METAP1D: variants seen among roughly 807,000 people sequenced by gnomAD.
The protein encoded by METAP1D is methionine aminopeptidase 1D, mitochondrial.
METAP1D carries 31 observed loss-of-function variants against 40.5 expected under a neutral mutation model. The ratio of observed to expected loss-of-function variants is 0.77; its 90% CI spans 0.58 to 1.03. The LOEUF (loss-of-function observed/expected upper bound fraction) is 1.03. Among genes scored for constraint, METAP1D ranks in the 50% least tolerant of loss-of-function variants. The pLI is 0.00. For synonymous variants in METAP1D, 151 were observed against 146.4 expected, an observed-to-expected ratio of 1.03 and a Z score of -0.22; for missense variants, 411 against 420.7, an observed-to-expected ratio of 0.98 and a Z score of 0.20.
intron 1 of METAP1D, among the ~76,000 whole-genome samples, chr2:172,041,536 T>G (rs141679213): frequency 6.3e-5 from 8 of 126,204 alleles, no homozygotes; most frequent in Admixed American, 4.9e-4. Flanking sequence ...CGTAAAGGAA[T>G]TCATGAAACA....
At position 172,040,060 on chromosome 2, in the gene METAP1D, C is replaced by T. The variant is rs1040766959; in HGVS notation, c.41-21438C>T. Among the ~76,000 whole-genome samples the T allele has an allele frequency of 4.6e-5, 7 of 151,886 alleles. No homozygotes were observed. In the East Asian group the frequency reaches 1.4e-3, roughly 29 times the overall value. Reference sequence around the variant, plus strand: ...AGTGCAACTGCCTGCCGGGTTCAAGCGATTCTTCTGCCTCAGCCTCCTGAG... The same window carrying T: ...AGTGCAACTGCCTGCCGGGTTCAAGTGATTCTTCTGCCTCAGCCTCCTGAG... On this transcript the variant is annotated intron_variant, in intron 1 of 9. Transcript: ENST00000315796.
chr2:172,034,986 C>CTTTTTTTTTTTTTTT (rs66853451), intron 1 of METAP1D, among the ~76,000 whole-genome samples: 3 of 135,592 alleles, frequency 2.2e-5, no homozygotes, highest in East Asian at 2.1e-4. Context: ...GAATTTTTTT[C>CTTTTTTTTTTTTTTT]TTTTTTTTTT....
chr2:172,063,924 C>G, intron 3 of METAP1D, 64 bp downstream of exon 3: 1 of 1,477,050 alleles, frequency 6.8e-7, no homozygotes, highest in Non-Finnish European at 9.0e-7. Context: ...TCTTTTTTTC[C>G]TTCTCCTTAA....
chr2:172,005,037 C>T (rs929103618), intron 1 of METAP1D, among the ~76,000 whole-genome samples: 2 of 152,080 alleles, frequency 1.3e-5, no homozygotes, highest in Non-Finnish European at 2.9e-5. Context: ...GTCCTCCCAC[C>T]TCAACCTCCT....
At chr2:172,045,730 T>TGTGTGTGTGG (rs1689727728) in intron 1 of METAP1D, among the ~76,000 whole-genome samples, 1 of 86,632 alleles carries the variant, frequency 1.2e-5, no homozygotes, top group Non-Finnish European at 2.8e-5. Context: ...TGTGTGTGTG[T>TGTGTGTGTGG]GTATATATAT....
At chr2:172,074,041 T>C (rs1209284899) in intron 6 of METAP1D, among the ~76,000 whole-genome samples, 2 of 152,232 alleles carry the variant, frequency 1.3e-5, no homozygotes, top group Admixed American at 1.3e-4. Flanking sequence ...CCTTTTGCTT[T>C]TGTGAGGAAT....
chr2:172,034,517 TTAA>T lies in METAP1D; in HGVS notation c.41-26975_41-26973del, dbSNP rs560366771. ...CCTGGTCCGGGTTGTTGTGCCAAACTTAATAATATGTATGATGTTACTTTGTAA... is the reference window on the plus strand; with the variant it reads ...CCTGGTCCGGGTTGTTGTGCCAAACTTAATATGTATGATGTTACTTTGTAA... On this transcript the variant is annotated intron_variant, in intron 1 of 9. Coordinates refer to ENST00000315796, the MANE Select transcript of METAP1D (RefSeq NM_199227.3). 3.8e-3 allele frequency among the ~76,000 whole-genome samples: 578 copies of T among 152,208 alleles called. 2 individuals carry two copies. Among genetic ancestry groups the T allele is most frequent in the Non-Finnish European group, 5.6e-3 (384 of 68,014 alleles).
At chr2:172,005,021 C>T (rs1201318007) in intron 1 of METAP1D, among the ~76,000 whole-genome samples, 1 of 151,832 alleles carries the variant, frequency 6.6e-6, no homozygotes, top group African/African-American at 2.4e-5. Context: ...TTCCTGGGCT[C>T]GACCAGTCCT....
At chr2:172,005,520 TTATATATATATA>T (rs34982215) in intron 1 of METAP1D, among the ~76,000 whole-genome samples, 11 of 110,950 alleles carry the variant, frequency 9.9e-5, no homozygotes, top group African/African-American at 3.5e-4. Flanking sequence ...TGTCTGTATT[TTATATATATATA>T]TATATATATA....
chr2:172,010,872 A>T (rs1372081134), intron 1 of METAP1D, among the ~76,000 whole-genome samples: 1 of 150,384 alleles, frequency 6.6e-6, no homozygotes, highest in Admixed American at 6.7e-5. Flanking sequence ...GTCCTGCCTC[A>T]GCCTCACGAG....
intron 1 of METAP1D, among the ~76,000 whole-genome samples, chr2:172,001,609 G>A (rs528221685): frequency 6.6e-6 from 1 of 152,078 alleles, no homozygotes; most frequent in South Asian, 2.1e-4. Flanking sequence ...GAGGAAGAAG[G>A]TTGGTAATCG....
At chr2:172,075,205 T>C (rs1218160653) in intron 6 of METAP1D, among the ~76,000 whole-genome samples, 1 of 152,170 alleles carries the variant, frequency 6.6e-6, no homozygotes, top group Non-Finnish European at 1.5e-5. Context: ...AAATATTCCA[T>C]ATAAAAGGCC....
Position 172,063,732 on chromosome 2 carries a change from G to T in METAP1D, c.220G>T (p.Val74Leu). 3.1e-6 allele frequency: 5 copies of T among 1,613,782 alleles called. No homozygotes were observed. In the South Asian group the frequency reaches 5.5e-5, roughly 18 times the overall value. Residue 74 changes from valine to leucine, a missense_variant, in exon 3 of 10, where the codon GTG becomes TTG. Coordinates refer to ENST00000315796, the MANE Select transcript of METAP1D (RefSeq NM_199227.3). Reference protein sequence around the residue: ...VPKHIKKPDYVTTGIVPDWGD... With the variant: ...VPKHIKKPDYLTTGIVPDWGD... ...CAAGCACATAAAGAAGCCAGACTATGTGACGACAGGCATTGTACCAGACTG... is the reference window on the plus strand; with the variant it reads ...CAAGCACATAAAGAAGCCAGACTATTTGACGACAGGCATTGTACCAGACTG...
intron 6 of METAP1D, among the ~76,000 whole-genome samples, chr2:172,074,365 C>T (rs1056217203): frequency 3.9e-5 from 6 of 152,104 alleles, no homozygotes; most frequent in African/African-American, 9.7e-5. Flanking sequence ...TTAGATTACG[C>T]ACATTTAAAC....
intron 1 of METAP1D, among the ~76,000 whole-genome samples, chr2:172,016,330 T>TATATAA (rs1553490411): frequency 1.3e-5 from 1 of 75,848 alleles, no homozygotes; most frequent in African/African-American, 4.8e-5. Flanking sequence ...TATATATATA[T>TATATAA]AAATAGTCCA....
chr2:172,063,590 C>T (rs759045491), intron 2 of METAP1D, 121 bp from the exon 3 acceptor site: 3 of 763,580 alleles, frequency 3.9e-6, no homozygotes, highest in Non-Finnish European at 2.2e-6. Flanking sequence ...GTGCTGGCTT[C>T]GGAGGTCGGT....
intron 5 of METAP1D, among the ~76,000 whole-genome samples, chr2:172,068,037 T>C (rs929648832): frequency 3.9e-5 from 6 of 152,198 alleles, no homozygotes; most frequent in African/African-American, 1.4e-4. Flanking sequence ...GAAAAATGTT[T>C]TTCTTAAAGA....
intron 1 of METAP1D, among the ~76,000 whole-genome samples, chr2:172,053,846 G>A (rs1410190019): frequency 6.6e-6 from 1 of 152,238 alleles, no homozygotes; most frequent in Non-Finnish European, 1.5e-5. Flanking sequence ...ATGGCACACT[G>A]CAGGGTGAAA....
intron 1 of METAP1D, among the ~76,000 whole-genome samples, chr2:172,029,261 G>C (rs376526053): frequency 1.3e-5 from 2 of 152,070 alleles, no homozygotes; most frequent in African/African-American, 4.8e-5. Context: ...AGAAAAATTA[G>C]CCAGGCCTAG....
Sources: gnomAD v4.1 joint callset for allele counts (sites outside exome capture counted in the v4.1 genomes callset) on GRCh38, gnomAD v4.1.1 for gene constraint, MANE v1.5 for transcripts, NCBI Gene and HGNC (gene_info 2026-07-23, HGNC 2026-07-21) for gene names.